TRAPPC12: variants seen among roughly 807,000 people sequenced by gnomAD.
TRAPPC12 encodes TPR repeat protein 15.
Under a neutral mutation model 69.2 loss-of-function variants are expected in TRAPPC12, and 61 were observed. The ratio of observed to expected loss-of-function variants is 0.88; its 90% CI spans 0.72 to 1.09. The LOEUF is 1.09. Ranked by LOEUF, TRAPPC12 falls within the 50% of genes least tolerant of loss-of-function variation. TRAPPC12 has a pLI of 0.00. For synonymous variants in TRAPPC12, 469 were observed against 438.9 expected, an observed-to-expected ratio of 1.07 and a Z score of -0.86; for missense variants, 1,101 against 1,016.4, an observed-to-expected ratio of 1.08 and a Z score of -1.13.
intron 6 of TRAPPC12, chr2:3,456,177 G>A (rs553375212): frequency 5.9e-5 from 9 of 152,294 alleles, no homozygotes; most frequent in Admixed American, 2.0e-4. Flanking sequence ...CCAAGATAAC[G>A]GTTAAGAGGA....
At chr2:3,405,255 T>G (rs151198786) in intron 3 of TRAPPC12, among the ~76,000 whole-genome samples, 2,104 of 152,248 alleles carry the variant, frequency 0.014, 24 homozygotes, top group Non-Finnish European at 0.022. Context: ...ATGCCCGCTT[T>G]GTAGATTAGA....
At chr2:3,392,806 A>G (rs1450017759) in intron 2 of TRAPPC12, among the ~76,000 whole-genome samples, 2 of 152,268 alleles carry the variant, frequency 1.3e-5, no homozygotes, top group East Asian at 1.9e-4. Context: ...GAGCTACCAT[A>G]TGATCTAACA....
At chr2:3,428,565 CAT>C (rs766986054) in intron 5 of TRAPPC12, among the ~76,000 whole-genome samples, 21 of 152,246 alleles carry the variant, frequency 1.4e-4, no homozygotes, top group East Asian at 7.7e-4. Flanking sequence ...TGTAATGAAT[CAT>C]GTGTAAAAAT....
At chr2:3,470,012 A>C (rs553746264) in intron 9 of TRAPPC12, among the ~76,000 whole-genome samples, 1 of 152,310 alleles carries the variant, frequency 6.6e-6, no homozygotes, top group East Asian at 1.9e-4. Context: ...TCTCCAGACC[A>C]GGGAGGATTT....
intron 3 of TRAPPC12, among the ~76,000 whole-genome samples, chr2:3,410,814 G>A (rs929674406): frequency 1.3e-5 from 2 of 152,106 alleles, no homozygotes; most frequent in Non-Finnish European, 2.9e-5. Context: ...GGCAGATCAC[G>A]AGGTCAAGAG....
In TRAPPC12 at chr2:3,470,247, T is replaced by G. The variant is rs114923630; in HGVS notation, c.1776+4552T>G. Among the ~76,000 whole-genome samples the G allele has an allele frequency of 2.9e-3, 447 of 152,334 alleles. 2 individuals are homozygous for G. Among genetic ancestry groups the G allele is most frequent in the Middle Eastern group, 0.01 (3 of 294 alleles). The stretch of plus-strand genomic sequence containing the variant: ...GCGAGGAGGGAGCACAAGCAGAGCT[T>G]CTCTGCGGAGAAGGCAGATTTCCAG... On this transcript the variant is annotated intron_variant, in intron 9 of 11. Coordinates refer to ENST00000324266, the MANE Select transcript of TRAPPC12 (RefSeq NM_016030.6).
At chr2:3,459,270 G>A (rs1665355878) in intron 7 of TRAPPC12, among the ~76,000 whole-genome samples, 2 of 152,222 alleles carry the variant, frequency 1.3e-5, no homozygotes, top group Non-Finnish European at 2.9e-5. Context: ...TTGGAAGTGT[G>A]GACTTTTCTT....
intron 9 of TRAPPC12, chr2:3,467,526 G>A (rs896091769): frequency 3.9e-5 from 6 of 152,198 alleles, no homozygotes; most frequent in Non-Finnish European, 7.3e-5. Context: ...CGCAGCTGAC[G>A]ACTGCATTGC....
At chr2:3,407,083 A>G (rs1661772191) in intron 3 of TRAPPC12, among the ~76,000 whole-genome samples, 1 of 152,204 alleles carries the variant, frequency 6.6e-6, no homozygotes, top group South Asian at 2.1e-4. Flanking sequence ...TTTTTGAATT[A>G]TTTCCCTAAG....
chr2:3,428,826 G>A (rs756391485), intron 5 of TRAPPC12, among the ~76,000 whole-genome samples: 2 of 152,194 alleles, frequency 1.3e-5, no homozygotes, highest in Non-Finnish European at 2.9e-5. Context: ...AGGTCTGTGC[G>A]GTTCTGGGTG....
intron 5 of TRAPPC12, among the ~76,000 whole-genome samples, chr2:3,430,854 A>G (rs1663389051): frequency 6.6e-6 from 1 of 152,174 alleles, no homozygotes; most frequent in Non-Finnish European, 1.5e-5. Context: ...GCTGCTGCAC[A>G]CTGTTGCTGG....
chr2:3,382,460 A>C (rs1050263666), intron 1 of TRAPPC12, among the ~76,000 whole-genome samples: 5 of 152,132 alleles, frequency 3.3e-5, no homozygotes, highest in Non-Finnish European at 7.4e-5. Flanking sequence ...CTTTAGAAGA[A>C]AGGTATTTTG....
chr2:3,471,876 G>A (rs763002731), intron 9 of TRAPPC12, among the ~76,000 whole-genome samples: 1 of 152,062 alleles, frequency 6.6e-6, no homozygotes, highest in Admixed American at 6.6e-5. Flanking sequence ...GCTGTGGTGC[G>A]CAGGTGCAAG....
intron 5 of TRAPPC12, 49 bp from the exon 6 acceptor site, chr2:3,443,730 C>G (rs763896784): frequency 6.9e-7 from 1 of 1,449,248 alleles, no homozygotes; most frequent in South Asian, 1.1e-5. Flanking sequence ...AGTATGAATG[C>G]GTGCTCAGTT....
intron 5 of TRAPPC12, among the ~76,000 whole-genome samples, chr2:3,434,879 C>G (rs1046703152): frequency 6.6e-6 from 1 of 152,226 alleles, no homozygotes; most frequent in Non-Finnish European, 1.5e-5. Flanking sequence ...CCATCTCTTC[C>G]CTGCCACAGA....
intron 5 of TRAPPC12, among the ~76,000 whole-genome samples, chr2:3,440,765 C>G (rs1231420374): frequency 6.6e-6 from 1 of 152,138 alleles, no homozygotes; most frequent in Non-Finnish European, 1.5e-5. Context: ...CACTGAGTTT[C>G]TCACTCTTAA....
intron 5 of TRAPPC12, among the ~76,000 whole-genome samples, chr2:3,438,953 G>A (rs1664046356): frequency 6.6e-6 from 1 of 151,788 alleles, no homozygotes; most frequent in Admixed American, 6.6e-5. Context: ...CCAATCCTTG[G>A]GTAAATCTCT....
In TRAPPC12 at chr2:3,475,232, C is replaced by T. The variant is rs1033347060; in HGVS notation, c.1777-2463C>T. Among the ~76,000 whole-genome samples the T allele has an allele frequency of 2.6e-5, 4 of 152,110 alleles. No individual in the cohort carries two copies. The South Asian group carries it at 6.2e-4, about 24-fold the overall frequency. ...TAGCCTCTCATGTAGCTGGGGACCA[C>T]AGTGCTTACGGCCACACCTGGTGCT... On this transcript the variant is annotated intron_variant, in intron 9 of 11. Coordinates refer to ENST00000324266, the MANE Select transcript of TRAPPC12 (RefSeq NM_016030.6).
At chr2:3,401,101 G>T (rs988132187) in intron 2 of TRAPPC12, among the ~76,000 whole-genome samples, 1 of 152,204 alleles carries the variant, frequency 6.6e-6, no homozygotes, top group Non-Finnish European at 1.5e-5. Flanking sequence ...TTCTTCCCTG[G>T]CTTGCAGCAT....
Sources: allele counts gnomAD v4.1 joint callset (sites outside exome capture counted in the v4.1 genomes callset), GRCh38; gene constraint gnomAD v4.1.1; transcripts MANE v1.5; gene names NCBI Gene and HGNC (gene_info 2026-07-23, HGNC 2026-07-21).